IMMP2L: variants seen among roughly 807,000 people sequenced by gnomAD.
The protein encoded by IMMP2L is inner mitochondrial membrane peptidase subunit 2, also known as mitochondrial inner membrane protease subunit 2.
A neutral mutation model predicts 19.3 loss-of-function variants in IMMP2L; 18 were observed. The ratio of observed to expected loss-of-function variants is 0.93; its 90% CI spans 0.64 to 1.38. The LOEUF (loss-of-function observed/expected upper bound fraction) is 1.38, where lower values mean the gene tolerates loss of function less well. IMMP2L is among the 40% of genes most tolerant of loss of function. The probability of loss-of-function intolerance (pLI) is 0.00; values close to 1 mark genes in which losing one functional copy is unlikely to be tolerated. For missense variants in IMMP2L, 233 were observed against 218.2 expected (o/e 1.07, Z -0.43); for synonymous variants, 76 against 73.0 (o/e 1.04, Z -0.21).
intron 3 of IMMP2L, among the ~76,000 whole-genome samples, chr7:111,116,472 C>T (rs1799892645): frequency 6.6e-6 from 1 of 152,112 alleles, no homozygotes; most frequent in Non-Finnish European, 1.5e-5. Context: ...ACATGACATA[C>T]ATTTTACTAT....
chr7:111,492,426 T>A, intron 2 of IMMP2L: 1 of 981,146 alleles, frequency 1.0e-6, no homozygotes, highest in African/African-American at 1.7e-5. Flanking sequence ...ATTATCAGAC[T>A]TCCCCTCTGT....
At chr7:110,736,853 T>C (rs1306611510) in intron 5 of IMMP2L, among the ~76,000 whole-genome samples, 1 of 152,212 alleles carries the variant, frequency 6.6e-6, no homozygotes. Flanking sequence ...ATTTAAATGA[T>C]ATTTAGATGA....
chr7:110,809,856 T>A (rs915204749), intron 5 of IMMP2L, among the ~76,000 whole-genome samples: 1 of 152,046 alleles, frequency 6.6e-6, no homozygotes, highest in Admixed American at 6.6e-5. Context: ...GAAAATAATC[T>A]AAGAATATAA....
At position 110,910,162 on chromosome 7, in the gene IMMP2L, G is replaced by A. The variant is rs577934647; in HGVS notation, c.306-23467C>T. 5.3e-5 allele frequency among the ~76,000 whole-genome samples: 8 copies of A among 152,242 alleles called. 1 individual carries two copies. In the South Asian group the frequency reaches 1.7e-3, roughly 32 times the overall value. ...ATGCATGCTAGGCTTGGGATGAAGC[G>A]TGAAATACTAAGGGAAATTTTAAAG... On this transcript the variant is annotated intron_variant, in intron 4 of 5. Transcript: ENST00000405709.
At position 110,727,692 on chromosome 7, in the gene IMMP2L, A is replaced by T. The variant is rs1182833125; in HGVS notation, c.409-63971T>A. Among the ~76,000 whole-genome samples, 1 of 152,170 alleles carries T rather than the reference A, an allele frequency of 6.6e-6. No individual in the cohort carries two copies. The highest frequency in any genetic ancestry group is 2.4e-5 in the African/African-American group (1 of 41,426). On this transcript the variant is annotated intron_variant, in intron 5 of 5. Transcript: ENST00000405709. This position sits in a 1 kb window ranked among gnomAD's most constrained non-coding sequence, Gnocchi z 4.3. ...ATATTAGAATATTAAATATAACATG[A>T]GCTAGATATTTAAATTATTAAATTG...
chr7:111,009,803 A>T (rs1479839242), intron 3 of IMMP2L, among the ~76,000 whole-genome samples: 1 of 152,142 alleles, frequency 6.6e-6, no homozygotes, highest in African/African-American at 2.4e-5. Context: ...GGGTTCTCTG[A>T]GTAGAAGCTG....
intron 3 of IMMP2L, among the ~76,000 whole-genome samples, chr7:111,346,409 T>A (rs1827569287): frequency 2.0e-5 from 3 of 152,130 alleles, no homozygotes; most frequent in African/African-American, 7.2e-5. Context: ...ATCCAGAATC[T>A]GTTATTCAAT....
At chr7:111,458,890 T>C (rs894670392) in intron 3 of IMMP2L, among the ~76,000 whole-genome samples, 1 of 152,194 alleles carries the variant, frequency 6.6e-6, no homozygotes, top group Non-Finnish European at 1.5e-5. Context: ...TCAAAACTTC[T>C]AGTTTCTCTA....
chr7:111,193,244 CTG>C (rs1161198007), intron 3 of IMMP2L, among the ~76,000 whole-genome samples: 1 of 152,108 alleles, frequency 6.6e-6, no homozygotes, highest in East Asian at 1.9e-4. Context: ...CGATGGGTGT[CTG>C]TGCAAGCTCT....
intron 5 of IMMP2L, among the ~76,000 whole-genome samples, chr7:110,797,632 TATAAGA>T (rs1800948908): frequency 6.6e-6 from 1 of 151,980 alleles, no homozygotes; most frequent in Admixed American, 6.6e-5. Context: ...TGGGTACTAG[TATAAGA>T]ATATCTGCCA....
rs1799094379 is a variant in IMMP2L at position 110,772,332 on chromosome 7, A to C, written c.409-108611T>G. On this transcript the variant is annotated intron_variant, in intron 5 of 5. Transcript: ENST00000405709. ...TACAACCATCGGCCTTCTTGTTCTC[A>C]AGGCTCTTCTCTGCTGTCTGGTCAG... Among the ~76,000 whole-genome samples the C allele has an allele frequency of 4.6e-5, 7 of 152,070 alleles. No individual in the cohort carries two copies. The South Asian group carries it at 1.5e-3, about 32-fold the overall frequency.
At chr7:111,371,168 T>TTATGTATGTAAGAGCTATGTATGTAAGA (rs1364125243) in intron 3 of IMMP2L, among the ~76,000 whole-genome samples, 3 of 151,092 alleles carry the variant, frequency 2.0e-5, no homozygotes, top group African/African-American at 7.3e-5. Context: ...TTGAGGAGAG[T>TTATGTATGTAAGAGCTATGTATGTAAGA]CGTGGCAAGT....
rs929153636 is a variant in IMMP2L at position 110,760,188 on chromosome 7, A to G, written c.409-96467T>C. Among the ~76,000 whole-genome samples the G allele has an allele frequency of 6.6e-6, 1 of 152,082 alleles. No homozygotes were observed. On this transcript the variant is annotated intron_variant, in intron 5 of 5. Coordinates refer to ENST00000405709, the MANE Select transcript of IMMP2L (RefSeq NM_032549.4). The surrounding 1 kb of genome is among the most constrained non-coding windows in gnomAD (Gnocchi z 4.2). ...GTGCCACCTTGAGAATTCAGTCTCA[A>G]TTCTCCACGTCCAGGCCTAAGATAG...
At chr7:111,131,967 G>T (rs1220967039) in intron 3 of IMMP2L, among the ~76,000 whole-genome samples, 1 of 151,764 alleles carries the variant, frequency 6.6e-6, no homozygotes. Flanking sequence ...ACTAATAGGT[G>T]ATTTTTTGGA....
At chr7:111,225,447 A>G (rs1205489186) in intron 3 of IMMP2L, among the ~76,000 whole-genome samples, 2 of 152,076 alleles carry the variant, frequency 1.3e-5, no homozygotes, top group African/African-American at 4.8e-5. Context: ...CCAAATGACC[A>G]ATACATGCAT....
intron 3 of IMMP2L, among the ~76,000 whole-genome samples, chr7:111,337,177 C>A (rs7808034): frequency 0.043 from 6,600 of 151,752 alleles, 226 homozygotes; most frequent in South Asian, 0.081. Context: ...CAGCTGTCAG[C>A]TAAATGAAAT....
intron 5 of IMMP2L, among the ~76,000 whole-genome samples, chr7:110,722,330 T>G (rs1795625425): frequency 6.6e-6 from 1 of 152,068 alleles, no homozygotes; most frequent in African/African-American, 2.4e-5. Context: ...AGTACTTTTA[T>G]CTCATTCAAT....
At chr7:111,340,642 A>G (rs894319516) in intron 3 of IMMP2L, among the ~76,000 whole-genome samples, 6 of 152,120 alleles carry the variant, frequency 3.9e-5, no homozygotes, top group African/African-American at 1.4e-4. Flanking sequence ...AATGTACAGG[A>G]AAGTTCAAGC....
chr7:111,223,451 A>G (rs1484426718), intron 3 of IMMP2L, among the ~76,000 whole-genome samples: 1 of 152,108 alleles, frequency 6.6e-6, no homozygotes, highest in African/African-American at 2.4e-5. Flanking sequence ...GAAGTGTTCA[A>G]TCCTCTTGGC....
Sources: gnomAD v4.1 joint callset for allele counts (sites outside exome capture counted in the v4.1 genomes callset) on GRCh38, gnomAD v4.1.1 for gene constraint, Gnocchi (gnomAD v3.1) non-coding constraint, MANE v1.5 for transcripts, NCBI Gene and HGNC (gene_info 2026-07-23, HGNC 2026-07-21) for gene names.